CNTNAP5: variants seen among roughly 807,000 people sequenced by gnomAD.
CNTNAP5 encodes the protein contactin associated protein family member 5.
Under a neutral mutation model 150.2 loss-of-function variants are expected in CNTNAP5, and 72 were observed. The observed-to-expected ratio is 0.48, with a 90% CI of 0.40 to 0.58. The LOEUF is 0.58. CNTNAP5 is among the 20% of genes least tolerant of loss of function. The pLI, the probability that CNTNAP5 is intolerant of heterozygous loss-of-function variation, is 0.00. For missense variants in CNTNAP5, 1,636 were observed against 1,626.2 expected (o/e 1.01, Z -0.10); for synonymous variants, 672 against 619.8 (o/e 1.08, Z -1.25).
At chr2:124,088,314 C>T (rs1682741200) in intron 1 of CNTNAP5, among the ~76,000 whole-genome samples, 1 of 151,942 alleles carries the variant, frequency 6.6e-6, no homozygotes, top group Non-Finnish European at 1.5e-5. Flanking sequence ...TTTGCTGATA[C>T]TTTTCTTTGG....
At position 124,553,374 on chromosome 2, in the gene CNTNAP5, C is replaced by T. The variant is rs182032030; in HGVS notation, c.1650-9843C>T. ...CAAATATTAGCTGGGCACACTGGCG[C>T]GTGCCTGTAATCCCAGCTACTTGGG... On this transcript the variant is annotated intron_variant, in intron 10 of 23. Coordinates refer to ENST00000682447, the MANE Select transcript of CNTNAP5 (RefSeq NM_001367498.1). Among the ~76,000 whole-genome samples, 25 of 152,062 alleles carry T rather than the reference C, an allele frequency of 1.6e-4. No homozygotes were observed. The East Asian group carries it at 3.7e-3, about 23-fold the overall frequency.
intron 1 of CNTNAP5, among the ~76,000 whole-genome samples, chr2:124,138,939 C>G (rs1320657690): frequency 6.6e-6 from 1 of 151,986 alleles, no homozygotes; most frequent in Admixed American, 6.5e-5. Context: ...TAAACGTTTC[C>G]TCTCTAGAAC....
Position 124,860,414 on chromosome 2 carries a change from CCCTTCCTT to C in CNTNAP5, c.3218-4862_3218-4855del, listed in dbSNP as rs201141839. 3.9e-4 allele frequency among the ~76,000 whole-genome samples: 37 copies of C among 95,210 alleles called. 1 individual carries two copies. The highest frequency in any genetic ancestry group is 2.0e-3 in the African/African-American group (28 of 13,840). The allele number at this position is 95,210 out of a possible 152,430, so 62.5% of individuals were successfully genotyped here. A position where few individuals can be genotyped will look rare whatever the true frequency, so the allele number is the denominator to read the frequency against. On this transcript the variant is annotated intron_variant, in intron 19 of 23. Transcript: ENST00000682447. The stretch of plus-strand genomic sequence containing the variant: ...TTATTTCCTCCCTGCCTCCCTCTCT[CCCTTCCTT>C]CCTTCCTTCCTTCCTTCCTTCCTTC...
chr2:124,888,753 T>A (rs1678131779), intron 21 of CNTNAP5, among the ~76,000 whole-genome samples: 1 of 152,172 alleles, frequency 6.6e-6, no homozygotes, highest in Admixed American at 6.5e-5. Context: ...TTTTAAGAAA[T>A]GTCTGATCAT....
intron 19 of CNTNAP5, among the ~76,000 whole-genome samples, chr2:124,830,726 C>T (rs565440196): frequency 2.0e-5 from 3 of 152,024 alleles, no homozygotes; most frequent in Admixed American, 6.6e-5. Flanking sequence ...TCTGGACCTT[C>T]AAGATAAACA....
At chr2:124,579,453 G>T (rs1696363341) in intron 11 of CNTNAP5, among the ~76,000 whole-genome samples, 1 of 152,192 alleles carries the variant, frequency 6.6e-6, no homozygotes, top group Non-Finnish European at 1.5e-5. Context: ...GTATTATAGA[G>T]ATTCAGTTGT....
chr2:124,147,380 C>G (rs908373042), intron 1 of CNTNAP5, among the ~76,000 whole-genome samples: 12 of 152,164 alleles, frequency 7.9e-5, no homozygotes, highest in African/African-American at 2.9e-4. Context: ...ATTAATATTT[C>G]TGCAGGGAAA....
chr2:124,626,786 C>T (rs904064591), intron 12 of CNTNAP5, among the ~76,000 whole-genome samples: 2 of 152,076 alleles, frequency 1.3e-5, no homozygotes, highest in African/African-American at 4.8e-5. Flanking sequence ...TTCCATGGGC[C>T]CAGCAAGCTA....
chr2:124,723,475 G>A (rs762992597), intron 13 of CNTNAP5, among the ~76,000 whole-genome samples: 2 of 152,110 alleles, frequency 1.3e-5, no homozygotes, highest in Non-Finnish European at 2.9e-5. Context: ...TCTAGCCTTT[G>A]CATATTACCC....
intron 12 of CNTNAP5, among the ~76,000 whole-genome samples, chr2:124,630,807 T>C (rs1264748622): frequency 6.6e-6 from 1 of 152,106 alleles, no homozygotes. Context: ...GATGACATAA[T>C]CCTGTATCTA....
intron 14 of CNTNAP5, among the ~76,000 whole-genome samples, chr2:124,752,623 A>G (rs1262401059): frequency 2.0e-5 from 3 of 152,172 alleles, no homozygotes; most frequent in Non-Finnish European, 4.4e-5. Context: ...ATTGTAATGA[A>G]AAAGGAATAA....
At chr2:124,648,063 G>A in intron 13 of CNTNAP5, 105 bp downstream of exon 13, 2 of 979,874 alleles carry the variant, frequency 2.0e-6, no homozygotes, top group Non-Finnish European at 3.0e-6. Flanking sequence ...GTTACAGTTA[G>A]TCACTGTGCA....
chr2:124,252,848 CTATT>C (rs1478555987), intron 3 of CNTNAP5, among the ~76,000 whole-genome samples: 1 of 151,870 alleles, frequency 6.6e-6, no homozygotes, highest in African/African-American at 2.4e-5. Flanking sequence ...TCTCATAAAC[CTATT>C]TATTTTTGGA....
rs931902587 is a variant in CNTNAP5, at chr2:124,335,798, G to T, written c.382-81645G>T. On this transcript the variant is annotated intron_variant, in intron 3 of 23. Transcript: ENST00000682447. Reference sequence around the variant, plus strand: ...GTTTTCTCAACTGTAGTTTCAAGTGGATCACGATGATTGTGGTATACTGCC... The same window carrying T: ...GTTTTCTCAACTGTAGTTTCAAGTGTATCACGATGATTGTGGTATACTGCC... Among the ~76,000 whole-genome samples, 4 of 152,040 alleles carry T rather than the reference G, an allele frequency of 2.6e-5. No homozygotes were observed. The South Asian group carries it at 8.3e-4, about 32-fold the overall frequency.
intron 21 of CNTNAP5, among the ~76,000 whole-genome samples, chr2:124,885,484 G>C (rs887861194): frequency 6.6e-6 from 1 of 151,558 alleles, no homozygotes; most frequent in African/African-American, 2.4e-5. Context: ...ATACAATTCA[G>C]AGGCATTTAG....
At chr2:124,170,433 G>A (rs945325343) in intron 1 of CNTNAP5, among the ~76,000 whole-genome samples, 5 of 152,190 alleles carry the variant, frequency 3.3e-5, no homozygotes, top group African/African-American at 4.8e-5. Flanking sequence ...TATTAGCATT[G>A]TGTGCAGATG....
intron 10 of CNTNAP5, among the ~76,000 whole-genome samples, chr2:124,545,779 G>A (rs779052746): frequency 7.9e-5 from 12 of 152,070 alleles, no homozygotes; most frequent in Non-Finnish European, 1.8e-4. Flanking sequence ...AGCTAAGGAT[G>A]GGTTACAAAT....
intron 1 of CNTNAP5, among the ~76,000 whole-genome samples, chr2:124,065,643 C>G (rs1351370487): frequency 2.0e-5 from 3 of 152,132 alleles, no homozygotes; most frequent in Non-Finnish European, 2.9e-5. Flanking sequence ...GTCCCCAAAA[C>G]TGAAACTTAT....
At chr2:124,653,911 A>ACCC (rs70996088) in intron 13 of CNTNAP5, among the ~76,000 whole-genome samples, 1,013 of 57,412 alleles carry the variant, frequency 0.018, 17 homozygotes, top group Non-Finnish European at 0.025. Context: ...ACTGCCCCCA[A>ACCC]CCCCCCCCCC....
Sources: gnomAD v4.1 joint callset for allele counts (sites outside exome capture counted in the v4.1 genomes callset) on GRCh38, gnomAD v4.1.1 for gene constraint, MANE v1.5 for transcripts, NCBI Gene and HGNC (gene_info 2026-07-23, HGNC 2026-07-21) for gene names.